The following AFG2A variants were observed in gnomAD, a reference collection of about 807,000 sequenced individuals.
AFG2A encodes the protein AAA ATPase AFG2A.
the AFG2A span, among the ~76,000 whole-genome samples, chr4:123,054,274 G>A: frequency 6.6e-6 from 1 of 152,080 alleles, no homozygotes; most frequent in Non-Finnish European, 1.5e-5. Context: ...TGTGTCTTAG[G>A]GTTTCACAAT....
At chr4:123,233,603 A>G in the AFG2A span, among the ~76,000 whole-genome samples, 59 of 152,134 alleles carry the variant, frequency 3.9e-4, no homozygotes, top group African/African-American at 1.4e-3. Context: ...TAAAAACAGG[A>G]AGTATCTCTG....
chr4:123,296,469 G>A, the AFG2A span, among the ~76,000 whole-genome samples: 14 of 152,198 alleles, frequency 9.2e-5, 1 homozygote. Flanking sequence ...ACTGGTAAAT[G>A]TGAACACTAA....
At chr4:123,212,368 C>G in the AFG2A span, among the ~76,000 whole-genome samples, 5 of 152,120 alleles carry the variant, frequency 3.3e-5, no homozygotes, top group African/African-American at 4.8e-5. Flanking sequence ...CTTGTCTTAA[C>G]TGTTTCAGTT....
chr4:123,007,594 GTGTGTGTGTGTGTGTATA>G, the AFG2A span, among the ~76,000 whole-genome samples: 4 of 23,722 alleles, frequency 1.7e-4, no homozygotes, highest in African/African-American at 4.3e-4. Flanking sequence ...GTGTGTGTGT[GTGTGTGTGTGTGTGTATA>G]TATATATATA....
the AFG2A span, among the ~76,000 whole-genome samples, chr4:123,277,735 A>G: frequency 1.6e-3 from 236 of 152,104 alleles, no homozygotes; most frequent in African/African-American, 5.4e-3. Flanking sequence ...TGACATAATC[A>G]TGTTTTTGTT....
chr4:123,053,614 A>G, the AFG2A span, among the ~76,000 whole-genome samples: 1 of 151,992 alleles, frequency 6.6e-6, no homozygotes. Flanking sequence ...CTGCTGTGGG[A>G]TGGAGGTTGG....
At chr4:123,183,916 T>A in the AFG2A span, among the ~76,000 whole-genome samples, 1 of 148,888 alleles carries the variant, frequency 6.7e-6, no homozygotes, top group African/African-American at 2.5e-5. Flanking sequence ...TTCACCACCA[T>A]GCCCAGCTTG....
chr4:123,276,549 C>G, the AFG2A span, among the ~76,000 whole-genome samples: 1 of 152,136 alleles, frequency 6.6e-6, no homozygotes, highest in East Asian at 1.9e-4. Context: ...ATCATGAGAT[C>G]TTTGCCAGGC....
At chr4:123,074,158 A>C in the AFG2A span, among the ~76,000 whole-genome samples, 1 of 137,364 alleles carries the variant, frequency 7.3e-6, no homozygotes, top group Non-Finnish European at 1.5e-5. Flanking sequence ...CAGTGGCGCG[A>C]ACTTGGCTCA....
At chr4:123,183,291 A>T in the AFG2A span, among the ~76,000 whole-genome samples, 2 of 152,238 alleles carry the variant, frequency 1.3e-5, no homozygotes, top group African/African-American at 4.8e-5. Context: ...TTTTGAGATT[A>T]AATGAAATAA....
chr4:123,165,437 T>G, the AFG2A span, among the ~76,000 whole-genome samples: 1 of 152,142 alleles, frequency 6.6e-6, no homozygotes, highest in African/African-American at 2.4e-5. Flanking sequence ...TTAAATTTTA[T>G]TTTATAATAA....
At chr4:123,015,111 T>C in the AFG2A span, among the ~76,000 whole-genome samples, 1 of 152,188 alleles carries the variant, frequency 6.6e-6, no homozygotes, top group South Asian at 2.1e-4. Context: ...TTTACTTGTC[T>C]GCACAATCTG....
chr4:122,998,359 G>T, the AFG2A span, among the ~76,000 whole-genome samples: 10 of 152,050 alleles, frequency 6.6e-5, no homozygotes, highest in Non-Finnish European at 1.5e-4. Flanking sequence ...TGTGCACAAT[G>T]TGCAGGTTAG....
the AFG2A span, among the ~76,000 whole-genome samples, chr4:123,148,655 A>G: frequency 0.12 from 17,541 of 152,216 alleles, 1,123 homozygotes; most frequent in Middle Eastern, 0.2. Flanking sequence ...ATAGATTTCT[A>G]ACGTGGGATA....
the AFG2A span, among the ~76,000 whole-genome samples, chr4:123,224,173 T>G: frequency 6.6e-6 from 1 of 152,132 alleles, no homozygotes; most frequent in Non-Finnish European, 1.5e-5. Flanking sequence ...ATTTATTTAT[T>G]TGTTTTGTTG....
chr4:123,094,398 G>T, the AFG2A span, among the ~76,000 whole-genome samples: 1 of 152,222 alleles, frequency 6.6e-6, no homozygotes, highest in African/African-American at 2.4e-5. Context: ...GAACGTGTAA[G>T]TCAAAAGACT....
the AFG2A span, among the ~76,000 whole-genome samples, chr4:123,020,259 C>G: frequency 2.0e-5 from 3 of 152,050 alleles, no homozygotes; most frequent in African/African-American, 7.2e-5. Context: ...TGCAGTTTCA[C>G]TGTAGAAAAT....
chr4:123,143,249 A>G, the AFG2A span, among the ~76,000 whole-genome samples: 5 of 151,978 alleles, frequency 3.3e-5, no homozygotes, highest in African/African-American at 4.8e-5. Context: ...AAGTTGTTGT[A>G]CCTTCAATTG....
At chr4:123,098,218 G>A in the AFG2A span, among the ~76,000 whole-genome samples, 2 of 151,858 alleles carry the variant, frequency 1.3e-5, no homozygotes, top group African/African-American at 4.8e-5. Context: ...TCACGTTTTT[G>A]TTTCTTTTTA....
Sources: gnomAD v4.1 joint callset for allele counts (sites outside exome capture counted in the v4.1 genomes callset) on GRCh38, gnomAD v4.1.1 for gene constraint, MANE v1.5 for transcripts, NCBI Gene and HGNC (gene_info 2026-07-23, HGNC 2026-07-21) for gene names.